The following PLCXD3 variants were observed in gnomAD, a reference collection of about 807,000 sequenced individuals.
PLCXD3 encodes PI-PLC X domain-containing protein 3.
A neutral mutation model predicts 25.5 loss-of-function variants in PLCXD3; 19 were observed. The ratio of observed to expected loss-of-function variants is 0.75; its 90% confidence interval spans 0.52 to 1.09. PLCXD3 has a LOEUF of 1.09. PLCXD3 is among the 50% of genes least tolerant of loss of function. The probability of loss-of-function intolerance (pLI) is 0.00; values close to 1 mark genes in which losing one functional copy is unlikely to be tolerated. For missense variants in PLCXD3, 411 were observed against 388.1 expected (o/e 1.06, Z -0.50); for synonymous variants, 174 against 137.6 (o/e 1.26, Z -1.85).
chr5:41,376,347 GCTT>G (rs1373317872), intron 2 of PLCXD3, among the ~76,000 whole-genome samples: 2 of 152,076 alleles, frequency 1.3e-5, no homozygotes, highest in African/African-American at 2.4e-5. Flanking sequence ...TAAACTGGTG[GCTT>G]CTTCTTCAGT....
intron 2 of PLCXD3, among the ~76,000 whole-genome samples, chr5:41,331,515 G>T (rs546076213): frequency 6.6e-6 from 1 of 152,128 alleles, no homozygotes; most frequent in Non-Finnish European, 1.5e-5. Flanking sequence ...TGGCCATACT[G>T]CCCAAGGTAA....
At chr5:41,370,686 C>T (rs963862351) in intron 2 of PLCXD3, among the ~76,000 whole-genome samples, 5 of 152,076 alleles carry the variant, frequency 3.3e-5, no homozygotes, top group African/African-American at 4.8e-5. Flanking sequence ...CTATCAAGTA[C>T]ACTCAACACA....
At chr5:41,445,669 G>A (rs1280513736) in intron 1 of PLCXD3, among the ~76,000 whole-genome samples, 1 of 152,152 alleles carries the variant, frequency 6.6e-6, no homozygotes, top group African/African-American at 2.4e-5. Context: ...GTATATTTGA[G>A]AAAGAGGGAA....
intron 2 of PLCXD3, among the ~76,000 whole-genome samples, chr5:41,378,623 A>G (rs1222290908): frequency 6.6e-6 from 1 of 152,140 alleles, no homozygotes; most frequent in African/African-American, 2.4e-5. Flanking sequence ...TGCTGTTAAT[A>G]AGTGTTATCT....
chr5:41,467,149 C>T lies in PLCXD3; in HGVS notation c.103+43275G>A, dbSNP rs112068478. 9.1e-3 allele frequency among the ~76,000 whole-genome samples: 1,392 copies of T among 152,248 alleles called. 9 individuals are homozygous for T. The highest frequency in any genetic ancestry group is 0.014 in the Non-Finnish European group (921 of 67,996). ...ACCTCCATACAATTTTCCATAATGG[C>T]TACACTAATTTACATTTCCACCAAC... On this transcript the variant is annotated intron_variant, in intron 1 of 2. Coordinates refer to ENST00000377801, the MANE Select transcript of PLCXD3 (RefSeq NM_001005473.3).
chr5:41,448,744 C>T (rs745860641), intron 1 of PLCXD3, among the ~76,000 whole-genome samples: 7 of 152,116 alleles, frequency 4.6e-5, no homozygotes, highest in African/African-American at 1.4e-4. Context: ...AGAGGAGAAG[C>T]TCAGTATAGT....
At chr5:41,448,024 A>G (rs1747544644) in intron 1 of PLCXD3, among the ~76,000 whole-genome samples, 1 of 152,218 alleles carries the variant, frequency 6.6e-6, no homozygotes, top group Non-Finnish European at 1.5e-5. Flanking sequence ...GAGGAAAGAG[A>G]GAAGCCTATT....
At chr5:41,421,954 T>C (rs1309479186) in intron 1 of PLCXD3, among the ~76,000 whole-genome samples, 1 of 148,180 alleles carries the variant, frequency 6.7e-6, no homozygotes, top group Non-Finnish European at 1.5e-5. Context: ...TAATTCTCGA[T>C]ATCACTCAGA....
intron 1 of PLCXD3, among the ~76,000 whole-genome samples, chr5:41,394,777 C>A (rs1745946065): frequency 6.6e-6 from 1 of 152,060 alleles, no homozygotes; most frequent in South Asian, 2.1e-4. Context: ...AAGTATATAA[C>A]AATTTTAACT....
At chr5:41,378,378 C>A (rs1049823560) in intron 2 of PLCXD3, among the ~76,000 whole-genome samples, 13 of 152,078 alleles carry the variant, frequency 8.5e-5, no homozygotes, top group Admixed American at 6.6e-4. Flanking sequence ...GCCAGCACAT[C>A]TATAATGACA....
intron 1 of PLCXD3, among the ~76,000 whole-genome samples, chr5:41,416,087 G>T (rs934591828): frequency 1.6e-4 from 25 of 152,292 alleles, no homozygotes; most frequent in African/African-American, 5.8e-4. Flanking sequence ...CAAAGAGGGA[G>T]ATTAGGAGGA....
rs533077701 is a variant in PLCXD3 at position 41,377,767 on chromosome 5, T to G, written c.812+4059A>C. Among the ~76,000 whole-genome samples the G allele has an allele frequency of 1.4e-4, 21 of 152,228 alleles. No individual in the cohort carries two copies. The East Asian group carries it at 3.9e-3, about 28-fold the overall frequency. Reference sequence around the variant, plus strand: ...CTTCAAACGCTGTTTTCTAAATGCATGTGCTCAGAGTTTTGTTAATCCAAA... The same window carrying G: ...CTTCAAACGCTGTTTTCTAAATGCAGGTGCTCAGAGTTTTGTTAATCCAAA... On this transcript the variant is annotated intron_variant, in intron 2 of 2. Transcript: ENST00000377801.
Position 41,381,921 on chromosome 5 carries a change from CTTCT to C in PLCXD3, c.713_716del (p.Lys238ArgfsTer11). The C allele has an allele frequency of 6.2e-7, 1 of 1,613,370 alleles. No individual in the cohort carries two copies. Among genetic ancestry groups the C allele is most frequent in the Non-Finnish European group, 8.5e-7 (1 of 1,179,676 alleles). On this transcript the variant is annotated frameshift_variant, in exon 2 of 3. Coordinates refer to ENST00000377801, the MANE Select transcript of PLCXD3 (RefSeq NM_001005473.3). LOFTEE classifies it high-confidence loss of function. ...CCACCTGAGATATAAAAAACGATCCCTTCTTTCTTCTCTCAGTGATGGATGCTTG... is the reference window on the plus strand; with the variant it reads ...CCACCTGAGATATAAAAAACGATCCCTTCTTCTCTCAGTGATGGATGCTTG...
At chr5:41,501,412 T>C (rs1748947840) in intron 1 of PLCXD3, among the ~76,000 whole-genome samples, 1 of 152,046 alleles carries the variant, frequency 6.6e-6, no homozygotes, top group Non-Finnish European at 1.5e-5. Context: ...CTTGAAGACA[T>C]TATGCGAACT....
chr5:41,405,666 A>G (rs1487193846), intron 1 of PLCXD3, among the ~76,000 whole-genome samples: 1 of 152,168 alleles, frequency 6.6e-6, no homozygotes, highest in Non-Finnish European at 1.5e-5. Flanking sequence ...ATTCAAGTCA[A>G]TGGGTCCATT....
chr5:41,465,054 A>C (rs978717736), intron 1 of PLCXD3, among the ~76,000 whole-genome samples: 4 of 152,004 alleles, frequency 2.6e-5, no homozygotes, highest in African/African-American at 4.8e-5. Flanking sequence ...GGGTGTTCTC[A>C]TTCCATTCTT....
intron 1 of PLCXD3, among the ~76,000 whole-genome samples, chr5:41,488,132 T>A (rs1480665192): frequency 2.0e-5 from 3 of 147,068 alleles, no homozygotes; most frequent in South Asian, 2.2e-4. Context: ...TGTCCATGTG[T>A]TCTCATTGTT....
chr5:41,400,015 A>G (rs559233040), intron 1 of PLCXD3, among the ~76,000 whole-genome samples: 9 of 152,282 alleles, frequency 5.9e-5, no homozygotes, highest in African/African-American at 1.9e-4. Context: ...TAATCCAATT[A>G]AAAATGGACA....
intron 1 of PLCXD3, among the ~76,000 whole-genome samples, chr5:41,419,442 A>G (rs1222008814): frequency 6.6e-6 from 1 of 152,218 alleles, no homozygotes; most frequent in East Asian, 1.9e-4. Flanking sequence ...TTTCCAATAG[A>G]AAACAACATA....
Sources: allele counts gnomAD v4.1 joint callset (sites outside exome capture counted in the v4.1 genomes callset), GRCh38; gene constraint gnomAD v4.1.1; transcripts MANE v1.5; gene names NCBI Gene and HGNC (gene_info 2026-07-23, HGNC 2026-07-21).